GRID1: variants seen among roughly 807,000 people sequenced by gnomAD.
The protein encoded by GRID1 is glutamate ionotropic receptor delta type subunit 1.
Under a neutral mutation model 98.0 loss-of-function variants are expected in GRID1, and 28 were observed. The observed-to-expected ratio is 0.29, with a 90% confidence interval of 0.21 to 0.39. GRID1 has a LOEUF of 0.39. GRID1 is among the 10% of genes least tolerant of loss of function. The probability of loss-of-function intolerance (pLI) is 1.00; values close to 1 mark genes in which losing one functional copy is unlikely to be tolerated. For missense variants in GRID1, 1,111 were observed against 1,340.5 expected, an observed-to-expected ratio of 0.83 and a Z score of 2.67; for synonymous variants, 553 against 538.5, an observed-to-expected ratio of 1.03 and a Z score of -0.37.
intron 4 of GRID1, among the ~76,000 whole-genome samples, chr10:85,948,223 T>A (rs943954514): frequency 6.6e-6 from 1 of 152,238 alleles, no homozygotes; most frequent in African/African-American, 2.4e-5. Context: ...AGTAAGGGGA[T>A]AGATAAGAAC....
intron 2 of GRID1, among the ~76,000 whole-genome samples, chr10:86,296,780 TACAC>T (rs999019550): frequency 1.7e-5 from 2 of 118,022 alleles, no homozygotes; most frequent in African/African-American, 2.8e-5. Context: ...CATGCATACA[TACAC>T]ACATACATAC....
intron 8 of GRID1, among the ~76,000 whole-genome samples, chr10:85,788,470 A>C (rs1842450144): frequency 6.6e-6 from 1 of 152,172 alleles, no homozygotes; most frequent in Non-Finnish European, 1.5e-5. Context: ...CCACGGTCTT[A>C]TCTGTAACAT....
intron 2 of GRID1, among the ~76,000 whole-genome samples, chr10:86,296,315 G>A (rs1265388524): frequency 6.6e-6 from 1 of 152,212 alleles, no homozygotes; most frequent in Non-Finnish European, 1.5e-5. Flanking sequence ...TCTGTTTGAG[G>A]ACAAGTTCTA....
At chr10:86,043,916 T>C (rs915119728) in intron 4 of GRID1, among the ~76,000 whole-genome samples, 3 of 152,202 alleles carry the variant, frequency 2.0e-5, no homozygotes, top group African/African-American at 7.2e-5. Context: ...GATTAATGCA[T>C]GCCAATAGAA....
At chr10:85,951,881 T>C (rs1006002772) in intron 4 of GRID1, among the ~76,000 whole-genome samples, 1 of 152,356 alleles carries the variant, frequency 6.6e-6, no homozygotes, top group Admixed American at 6.5e-5. Flanking sequence ...TAGGACACTC[T>C]GCAGCATCAC....
intron 2 of GRID1, among the ~76,000 whole-genome samples, chr10:86,208,718 G>A (rs1324665119): frequency 6.6e-6 from 1 of 152,164 alleles, no homozygotes; most frequent in African/African-American, 2.4e-5. Context: ...GGCTCCAGGA[G>A]GACCAGGGTC....
intron 12 of GRID1, among the ~76,000 whole-genome samples, chr10:85,684,443 A>G (rs1841246120): frequency 6.6e-6 from 1 of 152,194 alleles, no homozygotes; most frequent in Non-Finnish European, 1.5e-5. Flanking sequence ...AATTAGAACT[A>G]TCTATGTAAT....
chr10:86,078,625 T>C (rs544530311), intron 4 of GRID1, among the ~76,000 whole-genome samples: 11 of 152,352 alleles, frequency 7.2e-5, no homozygotes, highest in Non-Finnish European at 1.5e-4. Flanking sequence ...ATGAGATTGA[T>C]AATGGGAACA....
intron 4 of GRID1, among the ~76,000 whole-genome samples, chr10:86,057,419 TC>T (rs1337965021): frequency 6.6e-6 from 1 of 152,184 alleles, no homozygotes; most frequent in Non-Finnish European, 1.5e-5. Flanking sequence ...ATGGCCTGTA[TC>T]CCCATCCTGC....
At chr10:86,213,346 G>A (rs911959187) in intron 2 of GRID1, among the ~76,000 whole-genome samples, 3 of 152,116 alleles carry the variant, frequency 2.0e-5, no homozygotes, top group East Asian at 1.9e-4. Context: ...GGCTCCCCAC[G>A]CTGACACATC....
intron 8 of GRID1, among the ~76,000 whole-genome samples, chr10:85,807,701 G>A (rs1484839543): frequency 6.6e-6 from 1 of 152,074 alleles, no homozygotes; most frequent in Non-Finnish European, 1.5e-5. Context: ...CTCTCGAGTG[G>A]CATAAATAAG....
chr10:86,355,342 G>C (rs939308455), intron 2 of GRID1, among the ~76,000 whole-genome samples: 4 of 152,254 alleles, frequency 2.6e-5, no homozygotes, highest in African/African-American at 9.6e-5. Context: ...CACAGTGGGG[G>C]ACCAGGGTGG....
intron 2 of GRID1, among the ~76,000 whole-genome samples, chr10:86,331,263 C>T (rs955010507): frequency 6.6e-6 from 1 of 152,200 alleles, no homozygotes; most frequent in Non-Finnish European, 1.5e-5. Flanking sequence ...TCTCACTGGG[C>T]ATTCCAGCCT....
intron 2 of GRID1, among the ~76,000 whole-genome samples, chr10:86,361,942 G>A (rs1311465052): frequency 6.6e-6 from 1 of 152,224 alleles, no homozygotes; most frequent in Non-Finnish European, 1.5e-5. Flanking sequence ...GCAACCTTGT[G>A]CAAGAGCATC....
intron 8 of GRID1, among the ~76,000 whole-genome samples, chr10:85,774,004 C>G (rs111802432): frequency 1.3e-5 from 2 of 152,100 alleles, no homozygotes; most frequent in Admixed American, 6.5e-5. Context: ...CAAAAGAGAG[C>G]CCGCATCGCC....
At chr10:86,259,576 G>A (rs1423195592) in intron 2 of GRID1, among the ~76,000 whole-genome samples, 5 of 152,238 alleles carry the variant, frequency 3.3e-5, no homozygotes, top group African/African-American at 1.2e-4. Context: ...TGGGGAATCT[G>A]TAAGTTTCAA....
intron 8 of GRID1, among the ~76,000 whole-genome samples, chr10:85,784,496 C>G (rs919572307): frequency 3.3e-5 from 5 of 152,196 alleles, no homozygotes; most frequent in African/African-American, 1.2e-4. Context: ...TGGGGCTTCC[C>G]AGGAATTCAG....
At chr10:86,336,848 A>ATGTTT (rs1848228674) in intron 2 of GRID1, among the ~76,000 whole-genome samples, 1 of 143,916 alleles carries the variant, frequency 6.9e-6, no homozygotes, top group African/African-American at 2.6e-5. Context: ...CTGGCCCACT[A>ATGTTT]TTTTTTTTTT....
intron 4 of GRID1, among the ~76,000 whole-genome samples, chr10:86,013,819 C>CGT (rs1842948052): frequency 6.6e-6 from 1 of 152,122 alleles, no homozygotes; most frequent in South Asian, 2.1e-4. Context: ...TGATAAGATA[C>CGT]GTGTATATAT....
Sources: allele counts gnomAD v4.1 joint callset (sites outside exome capture counted in the v4.1 genomes callset), GRCh38; gene constraint gnomAD v4.1.1; transcripts MANE v1.5; gene names NCBI Gene and HGNC (gene_info 2026-07-23, HGNC 2026-07-21).